The following MAP2 variants were observed in gnomAD, a reference collection of about 807,000 sequenced individuals.
MAP2 encodes the protein microtubule-associated protein 2.
MAP2 carries 14 observed loss-of-function variants against 137.6 expected under a neutral mutation model. The ratio of observed to expected loss-of-function variants is 0.10; its 90% CI spans 0.07 to 0.16. The LOEUF (loss-of-function observed/expected upper bound fraction) is 0.16, where lower values mean the gene tolerates loss of function less well. Ranked by LOEUF, MAP2 falls within the 10% of genes least tolerant of loss-of-function variation. The pLI, the probability that MAP2 is intolerant of heterozygous loss-of-function variation, is 1.00. For synonymous variants in MAP2, 786 were observed against 782.3 expected (o/e 1.00, Z -0.08); for missense variants, 2,088 against 2,191.5 (o/e 0.95, Z 0.94).
intron 1 of MAP2, among the ~76,000 whole-genome samples, chr2:209,472,510 T>C (rs551102324): frequency 6.6e-6 from 1 of 152,128 alleles, no homozygotes; most frequent in East Asian, 1.9e-4. Flanking sequence ...GTCAGGTGAA[T>C]CTCAGGAAAA....
intron 2 of MAP2, among the ~76,000 whole-genome samples, chr2:209,576,839 G>A (rs2075438668): frequency 6.6e-6 from 1 of 152,108 alleles, no homozygotes; most frequent in African/African-American, 2.4e-5. Context: ...CCTAAGGGCA[G>A]TAATTATGTT....
chr2:209,695,375 G>A lies in MAP2; in HGVS notation c.3205G>A (p.Glu1069Lys). ...AAACATAGATGATAGAAGGGCAACAGAGCTAAAACTTGAGGCTACACAGGA... is the reference window on the plus strand; with the variant it reads ...AAACATAGATGATAGAAGGGCAACAAAGCTAAAACTTGAGGCTACACAGGA... ...GLNIDDRRAT[E>K]LKLEATQDMT... The change falls in exon 8 of 16, where the codon GAG (glutamate) becomes AAG (lysine). Residue 1069 changes from glutamate to lysine, a missense_variant. Physicochemically the swap from Glu to Lys is moderately conservative, Grantham distance 56. Coordinates refer to ENST00000682079, the MANE Select transcript of MAP2 (RefSeq NM_001375505.1). 1.2e-6 allele frequency: 2 copies of A among 1,613,548 alleles called. No individual in the cohort carries two copies. The highest frequency in any genetic ancestry group is 2.2e-5 in the East Asian group (1 of 44,866).
intron 1 of MAP2, among the ~76,000 whole-genome samples, chr2:209,425,068 G>T (rs1161385698): frequency 3.9e-5 from 6 of 151,970 alleles, no homozygotes; most frequent in Non-Finnish European, 7.4e-5. Context: ...AAGAGTGTGT[G>T]GGGGGCTAGG....
At chr2:209,635,642 T>C (rs2093488008) in intron 4 of MAP2, among the ~76,000 whole-genome samples, 1 of 151,922 alleles carries the variant, frequency 6.6e-6, no homozygotes, top group African/African-American at 2.4e-5. Context: ...TGAAAGCTGT[T>C]CTGTTGGATA....
chr2:209,678,898 G>A (rs1357984828), intron 6 of MAP2, among the ~76,000 whole-genome samples: 2 of 152,034 alleles, frequency 1.3e-5, no homozygotes, highest in Non-Finnish European at 2.9e-5. Context: ...AGGGTGGTGA[G>A]CTTACAGTTA....
At position 209,537,197 on chromosome 2, in the gene MAP2, A is replaced by T. The variant is rs78322002; in HGVS notation, c.-172+29556A>T. The stretch of plus-strand genomic sequence containing the variant: ...TCTGTGTCACATTTTGGTAATTCTC[A>T]CGATATTTCAAACTTTTAAATTATT... On this transcript the variant is annotated intron_variant, in intron 2 of 15. Coordinates refer to ENST00000682079, the MANE Select transcript of MAP2 (RefSeq NM_001375505.1). 2.0e-5 allele frequency among the ~76,000 whole-genome samples: 3 copies of T among 152,106 alleles called. 1 individual carries two copies. In the East Asian group the frequency reaches 5.8e-4, roughly 29 times the overall value.
At chr2:209,720,992 A>C (rs1381172165) in intron 13 of MAP2, among the ~76,000 whole-genome samples, 1 of 151,884 alleles carries the variant, frequency 6.6e-6, no homozygotes, top group Non-Finnish European at 1.5e-5. Flanking sequence ...CCTTCACAGC[A>C]GCCACAAATT....
In MAP2 at chr2:209,697,026, C is replaced by A. The variant is rs2060345685; in HGVS notation, c.4497C>A (p.Leu1499=). The A allele has an allele frequency of 6.2e-7, 1 of 1,607,544 alleles. No individual in the cohort carries two copies. The highest frequency in any genetic ancestry group is 8.5e-7 in the Non-Finnish European group (1 of 1,178,624). The change falls in exon 10 of 16, where the codon CTC becomes CTA. Residue 1499 remains leucine, a synonymous_variant. Transcript: ENST00000682079. ...PAIKYTRPTH[L]SCVKRKTTAA... is the part of the protein sequence containing the mutation. ...TCAAATATACTAGACCAACTCATCT[C>A]TCCTGTGTTAAGCGGAAAACCACAG...
At chr2:209,575,318 G>A (rs1372828647) in intron 2 of MAP2, among the ~76,000 whole-genome samples, 4 of 151,828 alleles carry the variant, frequency 2.6e-5, no homozygotes, top group African/African-American at 7.3e-5. Flanking sequence ...TCAGAAGATC[G>A]AGACCATCCT....
At chr2:209,644,092 A>G (rs574816928) in intron 4 of MAP2, among the ~76,000 whole-genome samples, 1 of 152,336 alleles carries the variant, frequency 6.6e-6, no homozygotes, top group East Asian at 1.9e-4. Context: ...CAAGTCCCAC[A>G]TTGAGAAATT....
At chr2:209,649,240 C>T (rs1372712236) in intron 4 of MAP2, among the ~76,000 whole-genome samples, 1 of 151,978 alleles carries the variant, frequency 6.6e-6, no homozygotes, top group Non-Finnish European at 1.5e-5. Flanking sequence ...TGGTCTTGAA[C>T]TCCTGGACTC....
intron 12 of MAP2, among the ~76,000 whole-genome samples, chr2:209,709,088 G>C (rs1322782276): frequency 1.3e-5 from 2 of 152,114 alleles, no homozygotes; most frequent in Non-Finnish European, 2.9e-5. Context: ...ATAATAATAT[G>C]AGGCTGAGCT....
At chr2:209,500,999 A>G (rs1012702830) in intron 1 of MAP2, among the ~76,000 whole-genome samples, 1 of 145,140 alleles carries the variant, frequency 6.9e-6, no homozygotes, top group Non-Finnish European at 1.5e-5. Flanking sequence ...GATCATTCCA[A>G]TGCACTCCAG....
intron 2 of MAP2, among the ~76,000 whole-genome samples, chr2:209,554,798 A>G (rs556890060): frequency 1.6e-3 from 239 of 151,334 alleles, no homozygotes; most frequent in African/African-American, 5.6e-3. Flanking sequence ...TTTGGGACTA[A>G]AATTTTAGAT....
In MAP2 at chr2:209,676,737, A is replaced by ATC. The variant is rs1470542422; in HGVS notation, c.263-1834_263-1833insCT. Among the ~76,000 whole-genome samples, 11 of 49,102 alleles carry ATC rather than the reference A, an allele frequency of 2.2e-4. 1 individual carries two copies. The highest frequency in any genetic ancestry group is 4.5e-4 in the Non-Finnish European group (9 of 19,896). The allele number at this position is 49,102 out of a possible 152,430, so 32.2% of individuals were successfully genotyped here. A position where few individuals can be genotyped will look rare whatever the true frequency, so the allele number is the denominator to read the frequency against. ...ACAAAGGTCATATATATATATATAT[A>ATC]TATATATATATATATATATATATAT... On this transcript the variant is annotated intron_variant, in intron 5 of 15. Transcript: ENST00000682079.
At chr2:209,645,218 T>C (rs184610174) in intron 4 of MAP2, among the ~76,000 whole-genome samples, 1 of 152,346 alleles carries the variant, frequency 6.6e-6, no homozygotes, top group African/African-American at 2.4e-5. Context: ...AATGCAATAA[T>C]AGATGGAGGT....
At chr2:209,447,275 G>A (rs1699298841) in intron 1 of MAP2, among the ~76,000 whole-genome samples, 1 of 151,846 alleles carries the variant, frequency 6.6e-6, no homozygotes, top group Non-Finnish European at 1.5e-5. Context: ...TCACAAGTCT[G>A]CAGACTTGAT....
At position 209,693,380 on chromosome 2, in the gene MAP2, A is replaced by T. The variant is rs752547647; in HGVS notation, c.1210A>T (p.Met404Leu). The change falls in exon 8 of 16, where the codon ATG becomes TTG. Residue 404 changes from methionine to leucine, a missense_variant. Around this residue, in one of 6 missense-constraint regions of MAP2, gnomAD observed 859 missense variants for 794.5 expected, o/e 1.08. Transcript: ENST00000682079. The part of the protein sequence containing the change: ...AHIPVVEEHV[M>L]GKVLEEEKEA... ...CATTCCAGTTGTAGAAGAACATGTT[A>T]TGGGGAAAGTTTTAGAGGAAGAAAA... 1 of 1,611,962 alleles carries T rather than the reference A, an allele frequency of 6.2e-7. No individual in the cohort carries two copies. The highest frequency in any genetic ancestry group is 1.7e-5 in the Admixed American group (1 of 59,554).
At chr2:209,691,137 A>C (rs1583551742) in intron 7 of MAP2, among the ~76,000 whole-genome samples, 1 of 146,114 alleles carries the variant, frequency 6.8e-6, no homozygotes. Flanking sequence ...TTATTTTTTT[A>C]CCCGCCCCCC....
Sources: allele counts gnomAD v4.1 joint callset (sites outside exome capture counted in the v4.1 genomes callset), GRCh38; gene constraint gnomAD v4.1.1; regional missense constraint gnomAD v4.1.1; transcripts MANE v1.5; gene names NCBI Gene and HGNC (gene_info 2026-07-23, HGNC 2026-07-21).